The following RGS6 variants were observed in gnomAD, a reference collection of about 807,000 sequenced individuals.
The protein encoded by RGS6 is regulator of G protein signaling 6.
In RGS6, 30 loss-of-function variants were observed where a neutral mutation model predicts 78.5. That is an observed-to-expected ratio of 0.38 (90% confidence interval 0.29 to 0.52). RGS6 has a LOEUF of 0.52. Among genes scored for constraint, RGS6 ranks in the 20% least tolerant of loss-of-function variants. The probability of loss-of-function intolerance (pLI) is 0.85; values close to 1 mark genes in which losing one functional copy is unlikely to be tolerated. For missense variants in RGS6, 495 were observed against 609.7 expected, an observed-to-expected ratio of 0.81 and a Z score of 1.98; for synonymous variants, 206 against 206.0, an observed-to-expected ratio of 1.00 and a Z score of 0.00.
chr14:72,611,122 A>C, the RGS6 span, among the ~76,000 whole-genome samples: 1 of 151,484 alleles, frequency 6.6e-6, no homozygotes, highest in Non-Finnish European at 1.5e-5. Flanking sequence ...GCCACCCCCC[A>C]CAGAGAAGCT....
intron 2 of RGS6, among the ~76,000 whole-genome samples, chr14:72,056,683 T>G (rs774989367): frequency 6.6e-6 from 1 of 152,198 alleles, no homozygotes; most frequent in African/African-American, 2.4e-5. Context: ...TTCCCTCCCC[T>G]GCCACCCCAC....
chr14:72,436,993 A>C (rs972203139), intron 3 of RGS6, among the ~76,000 whole-genome samples: 2 of 152,022 alleles, frequency 1.3e-5, no homozygotes, highest in African/African-American at 4.8e-5. Context: ...TTGTGGTTTC[A>C]AGAAGTGCCT....
At chr14:72,278,748 A>C (rs2061102273) in intron 2 of RGS6, among the ~76,000 whole-genome samples, 1 of 152,200 alleles carries the variant, frequency 6.6e-6, no homozygotes, top group Non-Finnish European at 1.5e-5. Flanking sequence ...TCTGTAGGAT[A>C]GGAAATCAGA....
rs2094329575 is a variant in RGS6 at position 71,979,429 on chromosome 14, CT to C, written c.84+14557del. Among the ~76,000 whole-genome samples the C allele has an allele frequency of 2.0e-5, 3 of 151,268 alleles. No homozygotes were observed. The South Asian group carries it at 6.3e-4, about 32-fold the overall frequency. On this transcript the variant is annotated intron_variant, in intron 2 of 17. Transcript: ENST00000553525. ...GCTATAAATTTCCCTCTACACACTG[CT>C]TTGAATGCGTCCCAGAGATTCTGGT...
At chr14:72,528,006 G>A (rs532652648) in intron 15 of RGS6, among the ~76,000 whole-genome samples, 2 of 152,340 alleles carry the variant, frequency 1.3e-5, no homozygotes, top group South Asian at 4.1e-4. Context: ...AGGACGTTCT[G>A]AAGCTGGGAA....
chr14:71,964,515 A>G (rs537850441), intron 1 of RGS6, among the ~76,000 whole-genome samples: 1 of 152,170 alleles, frequency 6.6e-6, no homozygotes, highest in African/African-American at 2.4e-5. Context: ...TCAAAAAAAA[A>G]CAAAACAAAA....
intron 2 of RGS6, among the ~76,000 whole-genome samples, chr14:72,075,678 T>G (rs2094548958): frequency 6.6e-6 from 1 of 152,212 alleles, no homozygotes; most frequent in Non-Finnish European, 1.5e-5. Context: ...TCTGTGTTCA[T>G]AGGCTGACAT....
chr14:72,582,944 G>GCAA, the RGS6 span, among the ~76,000 whole-genome samples: 1 of 105,186 alleles, frequency 9.5e-6, no homozygotes, highest in Non-Finnish European at 2.2e-5. Flanking sequence ...AGTGGACTGA[G>GCAA]TAAAAAAAAA....
the RGS6 span, among the ~76,000 whole-genome samples, chr14:72,607,305 A>T: frequency 6.6e-6 from 1 of 152,224 alleles, no homozygotes; most frequent in African/African-American, 2.4e-5. Flanking sequence ...GAGACTGGAA[A>T]GTCCAAGATC....
intron 3 of RGS6, among the ~76,000 whole-genome samples, chr14:72,398,555 G>T (rs184460803): frequency 5.9e-5 from 9 of 152,080 alleles, no homozygotes; most frequent in Non-Finnish European, 1.5e-5. Context: ...ATTTCCTTCA[G>T]TTCTGTTCTG....
At chr14:72,426,466 G>A (rs1288313048) in intron 3 of RGS6, among the ~76,000 whole-genome samples, 1 of 152,160 alleles carries the variant, frequency 6.6e-6, no homozygotes, top group African/African-American at 2.4e-5. Context: ...CACTTATCTT[G>A]GCATTACTCC....
At chr14:72,082,471 T>G (rs993585008) in intron 2 of RGS6, among the ~76,000 whole-genome samples, 1 of 152,122 alleles carries the variant, frequency 6.6e-6, no homozygotes, top group African/African-American at 2.4e-5. Flanking sequence ...CACCTCTGAG[T>G]TTTGTATGTT....
intron 2 of RGS6, among the ~76,000 whole-genome samples, chr14:72,137,291 A>AACC (rs932138916): frequency 1.3e-5 from 2 of 152,222 alleles, no homozygotes; most frequent in Non-Finnish European, 2.9e-5. Flanking sequence ...CAGAATATTT[A>AACC]ACCCTATTGT....
intron 13 of RGS6, among the ~76,000 whole-genome samples, chr14:72,497,480 T>A (rs2096660659): frequency 6.6e-6 from 1 of 152,198 alleles, no homozygotes; most frequent in African/African-American, 2.4e-5. Flanking sequence ...TGTTTCTTTT[T>A]CTCTTCCCTG....
chr14:72,299,180 A>G (rs2065533170), intron 2 of RGS6, among the ~76,000 whole-genome samples: 1 of 152,160 alleles, frequency 6.6e-6, no homozygotes, highest in Non-Finnish European at 1.5e-5. Flanking sequence ...GATGTATACA[A>G]TCCAGTGTTT....
At chr14:72,073,716 T>G (rs555839906) in intron 2 of RGS6, among the ~76,000 whole-genome samples, 84 of 152,340 alleles carry the variant, frequency 5.5e-4, no homozygotes, top group African/African-American at 1.9e-3. Flanking sequence ...TGGCCTTGGC[T>G]GGAATAAATT....
intron 2 of RGS6, among the ~76,000 whole-genome samples, chr14:72,222,888 A>T (rs1179387587): frequency 2.0e-5 from 3 of 152,214 alleles, no homozygotes; most frequent in African/African-American, 7.2e-5. Context: ...TCCAAAACTG[A>T]ATACTGTACT....
intron 13 of RGS6, among the ~76,000 whole-genome samples, chr14:72,503,572 AAGAGAGAG>A (rs10602454): frequency 0.2 from 30,840 of 150,608 alleles, 3,873 homozygotes; most frequent in African/African-American, 0.37. Flanking sequence ...TTCATTCAAA[AAGAGAGAG>A]AGAGAGAGAG....
intron 2 of RGS6, among the ~76,000 whole-genome samples, chr14:72,115,915 G>T (rs2095875038): frequency 6.6e-6 from 1 of 152,148 alleles, no homozygotes; most frequent in Non-Finnish European, 1.5e-5. Flanking sequence ...TTTTATAAGG[G>T]CCAGCCTTTA....
Sources: gnomAD v4.1 joint callset for allele counts (sites outside exome capture counted in the v4.1 genomes callset) on GRCh38, gnomAD v4.1.1 for gene constraint, MANE v1.5 for transcripts, NCBI Gene and HGNC (gene_info 2026-07-23, HGNC 2026-07-21) for gene names.